TOP3B: variants seen among roughly 807,000 people sequenced by gnomAD.
TOP3B encodes DNA topoisomerase 3-beta-1.
Under a neutral mutation model 93.9 loss-of-function variants are expected in TOP3B, and 45 were observed. That is an observed-to-expected ratio of 0.48 (90% confidence interval 0.38 to 0.61). TOP3B has a LOEUF of 0.61. Among genes scored for constraint, TOP3B ranks in the 20% least tolerant of loss-of-function variants. The probability of loss-of-function intolerance (pLI) is 0.00; values close to 1 mark genes in which losing one functional copy is unlikely to be tolerated. For synonymous variants in TOP3B, 357 were observed against 472.6 expected, an observed-to-expected ratio of 0.76 and a Z score of 3.17; for missense variants, 750 against 1,156.1, an observed-to-expected ratio of 0.65 and a Z score of 5.09.
In TOP3B at chr22:21,970,625, C is replaced by T; in HGVS notation, c.385-219G>A. On this transcript the variant is annotated intron_variant, in intron 5 of 17. Transcript: ENST00000357179. The surrounding 1 kb of genome is among the most constrained non-coding windows in gnomAD (Gnocchi z 4.4). Reference sequence around the variant, plus strand: ...CCCTGAGCACTCCACAACACCCCACCACATGGCTTCCTTTACTCCCATCTA... The same window carrying T: ...CCCTGAGCACTCCACAACACCCCACTACATGGCTTCCTTTACTCCCATCTA... The T allele has an allele frequency of 1.7e-6, 1 of 583,656 alleles. No individual in the cohort carries two copies. The highest frequency in any genetic ancestry group is 2.1e-5 in the South Asian group (1 of 48,606). The allele number at this position is 583,656 out of a possible 1,614,324, so 36.2% of individuals were successfully genotyped here. A position where few individuals can be genotyped will look rare whatever the true frequency, so the allele number is the denominator to read the frequency against.
At position 21,957,094 on chromosome 22, in the gene TOP3B, G is replaced by GCA. The variant is rs2070941477; in HGVS notation, c.*19_*20insTG. ...GGTGTCTGCATGGCACTGCAGCCTG[G>GCA]GTGAGGGAGGACAGGGTCATCATAC... On this transcript the variant is annotated 3_prime_UTR_variant, in exon 18 of 18. Transcript: ENST00000357179. The GCA allele has an allele frequency of 7.3e-6, 6 of 823,744 alleles. No individual in the cohort carries two copies. The African/African-American group carries it at 1.0e-4, about 14-fold the overall frequency. The allele number at this position is 823,744 out of a possible 1,614,324, so 51.0% of individuals were successfully genotyped here.
Position 21,970,407 on chromosome 22 carries a change from C to T in TOP3B, c.385-1G>A, listed in dbSNP as rs2071589749. 2.5e-6 allele frequency: 4 copies of T among 1,613,314 alleles called. No homozygotes were observed. Among genetic ancestry groups the T allele is most frequent in the Non-Finnish European group, 3.4e-6 (4 of 1,179,778 alleles). On this transcript the variant is annotated splice_acceptor_variant, in intron 5 of 17. Transcript: ENST00000357179. LOFTEE classifies it high-confidence loss of function. This position sits in a 1 kb window ranked among gnomAD's most constrained non-coding sequence, Gnocchi z 4.4. The stretch of plus-strand genomic sequence containing the variant: ...TGACGGGCAGAACAGCATCAAGAAC[C>T]TGGGGGTGGGGAGTGGCCAGCTGTG...
At chr22:21,975,421 T>C (rs2071824788) in intron 2 of TOP3B, 1 of 477,804 alleles carries the variant, frequency 2.1e-6, no homozygotes, top group Admixed American at 3.6e-5. Flanking sequence ...TTCAATTTCA[T>C]TGTAAATTGT....
At position 21,967,778 on chromosome 22, in the gene TOP3B, AG is replaced by A. The variant is rs1436704787; in HGVS notation, c.739-63del. ...AAAGTCTCCAGGTGAGCCCAACGCC[AG>A]GAAGAACCAGGACAGATGAAGCTGG... On this transcript the variant is annotated intron_variant, in intron 7 of 17. Transcript: ENST00000357179. 9 of 1,260,306 alleles carry A rather than the reference AG, an allele frequency of 7.1e-6. No individual in the cohort carries two copies. In the African/African-American group the frequency reaches 8.8e-5, roughly 12 times the overall value. The allele number at this position is 1,260,306 out of a possible 1,614,324, so 78.1% of individuals were successfully genotyped here. A position where few individuals can be genotyped will look rare whatever the true frequency, so the allele number is the denominator to read the frequency against.
At position 21,972,702 on chromosome 22, in the gene TOP3B, C is replaced by T; in HGVS notation, c.219G>A (p.Trp73Ter). 6.2e-7 allele frequency: 1 copy of T among 1,613,866 alleles called. No homozygotes were observed. Among genetic ancestry groups the T allele is most frequent in the Non-Finnish European group, 8.5e-7 (1 of 1,179,930 alleles). ...TLDFLGKYNK[W>*]DKVDPAELFS... ...ACAGTTCTGCGGGGTCCACTTTGTC[C>T]CATTTGTTGTATTTTCCTACAAACC... The change falls in exon 4 of 18, where the codon TGG (tryptophan) becomes TGA (stop). Residue 73 changes from tryptophan (W) to a stop codon, truncating the protein, a stop_gained. Coordinates refer to ENST00000357179, the MANE Select transcript of TOP3B (RefSeq NM_001282112.2). LOFTEE classifies it high-confidence loss of function.
At chr22:21,974,525 A>G in intron 2 of TOP3B, 37 bp from the exon 3 acceptor site, 1 of 1,559,496 alleles carries the variant, frequency 6.4e-7, no homozygotes, top group South Asian at 1.2e-5. Context: ...TGGCTGCTTC[A>G]GCTGAGCTGA....
At position 21,971,843 on chromosome 22, in the gene TOP3B, CA is replaced by C. The variant is rs1403675956; in HGVS notation, c.384+33del. The C allele has an allele frequency of 1.9e-6, 3 of 1,611,024 alleles. No homozygotes were observed. The African/African-American group carries it at 4.0e-5, about 22-fold the overall frequency. ...AGTTTGGGGCTGGTGTCAGAAAGGC[CA>C]AAAGTGAGGAACAAAGTGAGCCTCA... is the stretch of plus-strand genomic sequence containing the variant. On this transcript the variant is annotated intron_variant, in intron 5 of 17. Coordinates refer to ENST00000357179, the MANE Select transcript of TOP3B (RefSeq NM_001282112.2). The surrounding 1 kb of genome is among the most constrained non-coding windows in gnomAD (Gnocchi z 4.6).
rs1024739483 is a variant in TOP3B, at chr22:21,971,014, C to T, written c.385-608G>A. 5.1e-5 allele frequency: 66 copies of T among 1,299,642 alleles called. No individual in the cohort carries two copies. The highest frequency in any genetic ancestry group is 3.4e-4 in the East Asian group (6 of 17,876). The allele number at this position is 1,299,642 out of a possible 1,614,324, so 80.5% of individuals were successfully genotyped here. A position where few individuals can be genotyped will look rare whatever the true frequency, so the allele number is the denominator to read the frequency against. On this transcript the variant is annotated intron_variant, in intron 5 of 17. Coordinates refer to ENST00000357179, the MANE Select transcript of TOP3B (RefSeq NM_001282112.2). The surrounding 1 kb of genome is among the most constrained non-coding windows in gnomAD (Gnocchi z 4.6). ...CGTGCAGTGGGACTAGGGTCGCCGCCGGAGCCTGGCCACGCAGCTTCCTTA... is the reference window on the plus strand; with the variant it reads ...CGTGCAGTGGGACTAGGGTCGCCGCTGGAGCCTGGCCACGCAGCTTCCTTA...
At chr22:21,960,480 C>T (rs760057623) in intron 13 of TOP3B, 31 bp from the exon 14 acceptor site, 1 of 1,611,706 alleles carries the variant, frequency 6.2e-7, no homozygotes, top group Non-Finnish European at 8.5e-7. Context: ...GGGTTCCTGG[C>T]CTGCCTTGGA....
In TOP3B at chr22:21,970,251, A is replaced by T; in HGVS notation, c.540T>A (p.Ala180=). The T allele has an allele frequency of 1.2e-6, 2 of 1,613,654 alleles. No individual in the cohort carries two copies. The highest frequency in any genetic ancestry group is 8.5e-7 in the Non-Finnish European group (1 of 1,180,014). Residue 180 remains alanine, a synonymous_variant, in exon 6 of 18, where the codon GCT becomes GCA. Coordinates refer to ENST00000357179, the MANE Select transcript of TOP3B (RefSeq NM_001282112.2). This position sits in a 1 kb window ranked among gnomAD's most constrained non-coding sequence, Gnocchi z 4.4. ...CGATTCGCAGGTCCAGCTCCTGGCGAGCATCCACTGAGAGCGCCTCGTTGT... is the reference window on the plus strand; with the variant it reads ...CGATTCGCAGGTCCAGCTCCTGGCGTGCATCCACTGAGAGCGCCTCGTTGT... ...PDHNEALSVD[A]RQELDLRIGC...
rs747673022 is a variant in TOP3B, at chr22:21,968,816, A to G, written c.582-41T>C. 5.0e-6 allele frequency: 8 copies of G among 1,611,004 alleles called. 1 individual carries two copies. Among genetic ancestry groups the G allele is most frequent in the Middle Eastern group, 3.3e-4 (2 of 6,044 alleles). On this transcript the variant is annotated intron_variant, in intron 6 of 17. Transcript: ENST00000357179. ...AGATATTTTGGTCACTGATTCACTC[A>G]AGACACTATTATGGCCACCCATGTG...
At position 21,965,272 on chromosome 22, in the gene TOP3B, T is replaced by G. The variant is rs1257819723; in HGVS notation, c.943+13A>C. The stretch of plus-strand genomic sequence containing the variant: ...AAGCCTTCTGGTGACTTGAGAGAAA[T>G]GTCCCTACATACCCAGAGAAGAGCT... On this transcript the variant is annotated intron_variant, in intron 9 of 17. Coordinates refer to ENST00000357179, the MANE Select transcript of TOP3B (RefSeq NM_001282112.2). 5 of 1,568,942 alleles carry G rather than the reference T, an allele frequency of 3.2e-6. No homozygotes were observed. Among genetic ancestry groups the G allele is most frequent in the Non-Finnish European group, 3.5e-6 (4 of 1,155,348 alleles).
intron 4 of TOP3B, chr22:21,972,361 C>T: frequency 2.1e-6 from 1 of 476,656 alleles, no homozygotes; most frequent in South Asian, 3.9e-5. Flanking sequence ...AGAAAAACCC[C>T]CCGACCAAAC....
At chr22:21,958,467 G>A (rs762184065) in intron 17 of TOP3B, 25 bp downstream of exon 17, 1 of 1,613,770 alleles carries the variant, frequency 6.2e-7, no homozygotes. Flanking sequence ...GCTACCTGTG[G>A]ACAGGAGGGA....
In TOP3B at chr22:21,971,975, C is replaced by T. The variant is rs544183065; in HGVS notation, c.310-24G>A. 3.7e-5 allele frequency: 59 copies of T among 1,606,088 alleles called. No homozygotes were observed. The highest frequency in any genetic ancestry group is 3.3e-4 in the South Asian group (30 of 90,546). ...ACCTGCCACACAGCACAGGTTCACA[C>T]GTACCTGCTGCAGACCCGGTCTGTG... On this transcript the variant is annotated intron_variant, in intron 4 of 17. Transcript: ENST00000357179. This position sits in a 1 kb window ranked among gnomAD's most constrained non-coding sequence, Gnocchi z 4.6.
At position 21,959,234 on chromosome 22, in the gene TOP3B, T is replaced by TG; in HGVS notation, c.1805-3dup. On this transcript the variant is annotated splice_region_variant and splice_polypyrimidine_tract_variant and intron_variant, in intron 15 of 17. Transcript: ENST00000357179. ...ACACCTCCATCAACTCATCCATGCC[T>TG]GCGGGCAAGCAGAGTGCAGGAGTCA... The TG allele has an allele frequency of 6.2e-6, 10 of 1,612,158 alleles. No individual in the cohort carries two copies. The highest frequency in any genetic ancestry group is 8.5e-6 in the Non-Finnish European group (10 of 1,179,920).
chr22:21,962,079 G>T, intron 13 of TOP3B: 1 of 1,210,936 alleles, frequency 8.3e-7, no homozygotes, highest in Non-Finnish European at 1.1e-6. Context: ...GACAGCCCAG[G>T]CTGGCTGTGT....
Position 21,962,529 on chromosome 22 carries a change from G to A in TOP3B, c.1425C>T (p.Ala475=), listed in dbSNP as rs1293861669. 1 of 1,613,602 alleles carries A rather than the reference G, an allele frequency of 6.2e-7. No individual in the cohort carries two copies. The highest frequency in any genetic ancestry group is 1.3e-5 in the African/African-American group (1 of 74,938). The change falls in exon 13 of 18, where the codon GCC becomes GCT. Residue 475 remains alanine, a synonymous_variant. Transcript: ENST00000357179. ...GCATCTTCACCTCGCCCACAGGGAA[G>A]GCATCACCCCGCTGGCAAGTGGGCA... is the stretch of plus-strand genomic sequence containing the variant. The part of the protein sequence containing the change: ...ESLPTCQRGD[A]FPVGEVKMLE...
chr22:21,959,276 C>T (rs1176809648), intron 15 of TOP3B, 44 bp from the exon 16 acceptor site: 2 of 1,604,850 alleles, frequency 1.2e-6, no homozygotes, highest in African/African-American at 2.7e-5. Flanking sequence ...TCCCAGTCCC[C>T]AGCAAAAGGC....
Sources: allele counts gnomAD v4.1 joint callset, GRCh38; gene constraint gnomAD v4.1.1; non-coding constraint Gnocchi (gnomAD v3.1); transcripts MANE v1.5; gene names NCBI Gene and HGNC (gene_info 2026-07-23, HGNC 2026-07-21).